Variants in TANGO6 observed in about 807,000 individuals in gnomAD.
The protein encoded by TANGO6 is transport and Golgi organization protein 6 homolog.
In TANGO6, 90 loss-of-function variants were observed where a neutral mutation model predicts 114.2. The observed-to-expected ratio is 0.79, with a 90% confidence interval of 0.66 to 0.94. TANGO6 has a LOEUF of 0.94. Ranked by LOEUF, TANGO6 falls within the 40% of genes least tolerant of loss-of-function variation. The probability of loss-of-function intolerance (pLI) is 0.00; values close to 1 mark genes in which losing one functional copy is unlikely to be tolerated. For missense variants in TANGO6, 1,274 were observed against 1,315.3 expected, an observed-to-expected ratio of 0.97 and a Z score of 0.49; for synonymous variants, 477 against 509.8, an observed-to-expected ratio of 0.94 and a Z score of 0.87.
intron 1 of TANGO6, among the ~76,000 whole-genome samples, chr16:68,847,277 G>A (rs1961825387): frequency 6.6e-6 from 1 of 152,156 alleles, no homozygotes; most frequent in Non-Finnish European, 1.5e-5. Context: ...GAATCTAAAA[G>A]GCACATCATG....
Position 68,909,542 on chromosome 16 carries a change from A to T in TANGO6, c.1992+140A>T. The T allele has an allele frequency of 5.2e-6, 4 of 774,130 alleles. No homozygotes were observed. In the East Asian group the frequency reaches 1.3e-4, roughly 25 times the overall value. The allele number at this position is 774,130 out of a possible 1,614,324, so 48.0% of individuals were successfully genotyped here. A position where few individuals can be genotyped will look rare whatever the true frequency, so the allele number is the denominator to read the frequency against. On this transcript the variant is annotated intron_variant, in intron 11 of 17. Coordinates refer to ENST00000261778, the MANE Select transcript of TANGO6 (RefSeq NM_024562.2). ...AATGCTGGTTAAATATGGAAACTAC[A>T]CAGCCCACACCAGGCCACTGAATCC...
intron 7 of TANGO6, among the ~76,000 whole-genome samples, chr16:68,885,359 T>C (rs2152173491): frequency 1.3e-5 from 2 of 152,338 alleles, no homozygotes; most frequent in Admixed American, 6.5e-5. Context: ...TTTAGTATGT[T>C]CATAGGGTTT....
At chr16:68,884,033 C>A (rs1962502962) in intron 7 of TANGO6, among the ~76,000 whole-genome samples, 1 of 152,062 alleles carries the variant, frequency 6.6e-6, no homozygotes, top group Admixed American at 6.6e-5. Context: ...CTTCAGCCTC[C>A]CCAGTAGCTG....
At chr16:68,973,435 T>A (rs1419019992) in intron 14 of TANGO6, among the ~76,000 whole-genome samples, 1 of 152,170 alleles carries the variant, frequency 6.6e-6, no homozygotes, top group Non-Finnish European at 1.5e-5. Flanking sequence ...TGGATCTGTC[T>A]GGTCATCTCT....
At chr16:68,931,697 T>G (rs952959167) in intron 14 of TANGO6, among the ~76,000 whole-genome samples, 1 of 152,142 alleles carries the variant, frequency 6.6e-6, no homozygotes, top group Non-Finnish European at 1.5e-5. Context: ...GAATAGGCAG[T>G]TTTTTAGAGA....
chr16:69,064,199 G>A (rs1003466713), intron 17 of TANGO6, among the ~76,000 whole-genome samples: 10 of 152,270 alleles, frequency 6.6e-5, no homozygotes, highest in Admixed American at 2.0e-4. Context: ...CATGCCATGC[G>A]TATATTAGCA....
At chr16:68,960,981 G>A (rs1397379740) in intron 14 of TANGO6, among the ~76,000 whole-genome samples, 1 of 152,128 alleles carries the variant, frequency 6.6e-6, no homozygotes, top group Non-Finnish European at 1.5e-5. Context: ...TATCCCTAAT[G>A]TTGGCAGCAC....
chr16:69,005,648 A>T (rs1204097725), intron 15 of TANGO6, among the ~76,000 whole-genome samples: 1 of 152,000 alleles, frequency 6.6e-6, no homozygotes, highest in Non-Finnish European at 1.5e-5. Flanking sequence ...AAAATACCAA[A>T]AATTAGCCAG....
At chr16:68,982,630 CTTTTTT>C (rs562523656) in intron 15 of TANGO6, among the ~76,000 whole-genome samples, 2 of 105,338 alleles carry the variant, frequency 1.9e-5, no homozygotes, top group African/African-American at 9.4e-5. Flanking sequence ...ATGCCCTGGC[CTTTTTT>C]TTTTTTTTTT....
intron 3 of TANGO6, among the ~76,000 whole-genome samples, chr16:68,866,605 G>A (rs1596995103): frequency 6.8e-6 from 1 of 147,320 alleles, no homozygotes; most frequent in Admixed American, 6.9e-5. Flanking sequence ...AGTCCGGCCT[G>A]GGCGACAGAG....
intron 1 of TANGO6, among the ~76,000 whole-genome samples, chr16:68,846,238 C>T (rs988021869): frequency 5.3e-5 from 8 of 152,008 alleles, no homozygotes; most frequent in African/African-American, 1.9e-4. Flanking sequence ...GTTGGCCAGG[C>T]GAGTCTCGAA....
chr16:69,021,318 C>T (rs1959401474), intron 15 of TANGO6, among the ~76,000 whole-genome samples: 1 of 152,114 alleles, frequency 6.6e-6, no homozygotes, highest in Non-Finnish European at 1.5e-5. Context: ...TCCTGGTATG[C>T]TCTTCTCCCA....
At chr16:68,967,168 A>G (rs1349401069) in intron 14 of TANGO6, among the ~76,000 whole-genome samples, 1 of 152,168 alleles carries the variant, frequency 6.6e-6, no homozygotes, top group African/African-American at 2.4e-5. Flanking sequence ...TTTGGGCACC[A>G]GGGACTGGTT....
At chr16:68,871,100 AT>A (rs1962260900) in intron 4 of TANGO6, among the ~76,000 whole-genome samples, 1 of 151,770 alleles carries the variant, frequency 6.6e-6, no homozygotes, top group Admixed American at 6.6e-5. Context: ...CTGGCAATTA[AT>A]TTTCTAGCTT....
chr16:68,855,667 C>G (rs1311921217), intron 1 of TANGO6, among the ~76,000 whole-genome samples: 2 of 151,474 alleles, frequency 1.3e-5, no homozygotes, highest in African/African-American at 2.4e-5. Context: ...GGTGGATCAC[C>G]TGGTCAGGAG....
chr16:68,871,000 A>G (rs1357871523), intron 4 of TANGO6, among the ~76,000 whole-genome samples: 1 of 149,914 alleles, frequency 6.7e-6, no homozygotes, highest in Non-Finnish European at 1.5e-5. Context: ...TGCGTTGGCC[A>G]GGCTGGTCTT....
chr16:68,938,153 G>T (rs1963317978), intron 14 of TANGO6, among the ~76,000 whole-genome samples: 2 of 152,154 alleles, frequency 1.3e-5, no homozygotes, highest in African/African-American at 4.8e-5. Flanking sequence ...AAAGTATAAA[G>T]GTGAATCTCT....
At chr16:68,884,692 C>A (rs1265754950) in intron 7 of TANGO6, among the ~76,000 whole-genome samples, 1 of 151,372 alleles carries the variant, frequency 6.6e-6, no homozygotes, top group Non-Finnish European at 1.5e-5. Context: ...CCTTGGAAGT[C>A]AGTAAACTTA....
chr16:68,982,730 C>A (rs1324063329), intron 15 of TANGO6, among the ~76,000 whole-genome samples: 1 of 150,674 alleles, frequency 6.6e-6, no homozygotes, highest in Non-Finnish European at 1.5e-5. Flanking sequence ...CCTCGGCCTC[C>A]CAAAGTGTTG....
Sources: gnomAD v4.1 joint callset for allele counts (sites outside exome capture counted in the v4.1 genomes callset) on GRCh38, gnomAD v4.1.1 for gene constraint, MANE v1.5 for transcripts, NCBI Gene and HGNC (gene_info 2026-07-23, HGNC 2026-07-21) for gene names.